Variants in SYNE3 observed in about 807,000 individuals in gnomAD.
The protein encoded by SYNE3 is spectrin repeat containing nuclear envelope family member 3.
SYNE3 carries 100 observed loss-of-function variants against 111.2 expected under a neutral mutation model. That is an observed-to-expected ratio of 0.90 (90% confidence interval 0.77 to 1.06). The LOEUF (loss-of-function observed/expected upper bound fraction) is 1.06, where lower values mean the gene tolerates loss of function less well. Among genes scored for constraint, SYNE3 ranks in the 50% least tolerant of loss-of-function variants. The pLI, the probability that SYNE3 is intolerant of heterozygous loss-of-function variation, is 0.00. For synonymous variants in SYNE3, 547 were observed against 533.9 expected (o/e 1.02, Z -0.34); for missense variants, 1,160 against 1,240.3 (o/e 0.94, Z 0.97).
chr14:95,507,014 T>A (rs1890552201), intron 1 of SYNE3, among the ~76,000 whole-genome samples: 2 of 152,332 alleles, frequency 1.3e-5, no homozygotes, highest in South Asian at 4.1e-4. Context: ...TGATGACCCC[T>A]TACCTCCATG....
intron 15 of SYNE3, among the ~76,000 whole-genome samples, chr14:95,436,466 A>G (rs957332013): frequency 1.3e-5 from 2 of 152,192 alleles, no homozygotes; most frequent in African/African-American, 4.8e-5. Context: ...TGCCCGGTTG[A>G]GTTCAGCCTA....
chr14:95,440,484 C>A (rs533815778), intron 11 of SYNE3, among the ~76,000 whole-genome samples: 1 of 152,314 alleles, frequency 6.6e-6, no homozygotes, highest in Admixed American at 6.5e-5. Flanking sequence ...TATCCTCACC[C>A]AAGGTCATAC....
chr14:95,445,103 T>G (rs1254053794), intron 9 of SYNE3, among the ~76,000 whole-genome samples: 1 of 152,224 alleles, frequency 6.6e-6, no homozygotes. Flanking sequence ...CCTACTTATT[T>G]GTGTCTACCA....
rs143494270 is a variant in SYNE3 at position 95,429,716 on chromosome 14, G to A, written c.2727+2363C>T. 2.6e-3 allele frequency among the ~76,000 whole-genome samples: 401 copies of A among 152,174 alleles called. 1 individual carries two copies. The highest frequency in any genetic ancestry group is 9.2e-3 in the African/African-American group (382 of 41,482). On this transcript the variant is annotated intron_variant, in intron 17 of 17. Coordinates refer to ENST00000682763, the MANE Select transcript of SYNE3 (RefSeq NM_152592.6). ...ATTCTTTAGTCATTTAGGGCTTTCC[G>A]TCTTTGCATACCCCACCAAGCTGTG...
rs758882606 is a variant in SYNE3 at position 95,455,515 on chromosome 14, C to G, written c.999G>C (p.Trp333Cys). 2 of 1,613,878 alleles carry G rather than the reference C, an allele frequency of 1.2e-6. No individual in the cohort carries two copies. The highest frequency in any genetic ancestry group is 1.7e-5 in the Admixed American group (1 of 60,028). Residue 333 changes from tryptophan (W) to cysteine (C), a missense_variant, in exon 6 of 18, where the codon TGG becomes TGC. Transcript: ENST00000682763. ...CCTCCAGCTGCTTAATCTGCTGCTC[C>G]CAGGCTCCCCTGGACCGGAGCAGGC... The part of the protein sequence containing the change: ...LRGLLRSRGA[W>C]EQQIKQLEAE...
At chr14:95,452,435 A>G (rs2139429460) in intron 6 of SYNE3, 52 bp from the exon 7 acceptor site, 12 of 1,538,382 alleles carry the variant, frequency 7.8e-6, no homozygotes, top group Non-Finnish European at 1.1e-5. Context: ...CAACAGGATA[A>G]GTGTGTGTGT....
chr14:95,457,251 C>A lies in SYNE3; in HGVS notation c.715G>T (p.Val239Leu). Residue 239 changes from valine (V) to leucine (L), a missense_variant, in exon 5 of 18, where the codon GTG becomes TTG. Physicochemically the swap from Val to Leu is conservative, Grantham distance 32 (BLOSUM62 1). Transcript: ENST00000682763. ...AGGCAGCCATTCACCTTCTCCACCACCGCCTTCAGCCACAGTTGGAACTCG... is the reference window on the plus strand; with the variant it reads ...AGGCAGCCATTCACCTTCTCCACCAACGCCTTCAGCCACAGTTGGAACTCG... ...VDEFQLWLKA[V>L]VEKVNGCLGR... 6.2e-7 allele frequency: 1 copy of A among 1,614,206 alleles called. No individual in the cohort carries two copies.
intron 1 of SYNE3, among the ~76,000 whole-genome samples, chr14:95,503,884 T>C (rs1890432047): frequency 1.3e-5 from 2 of 152,130 alleles, no homozygotes; most frequent in South Asian, 4.1e-4. Context: ...CCTTCCAAAG[T>C]GCTGGGTTCC....
intron 1 of SYNE3, among the ~76,000 whole-genome samples, chr14:95,484,638 CACACTG>C (rs1215107188): frequency 1.3e-5 from 2 of 152,196 alleles, no homozygotes; most frequent in Non-Finnish European, 2.9e-5. Context: ...ACTGGCTTTT[CACACTG>C]GGAGTGTGAC....
At chr14:95,501,709 C>CAGGTGG (rs1890341904) in intron 1 of SYNE3, among the ~76,000 whole-genome samples, 1 of 150,808 alleles carries the variant, frequency 6.6e-6, no homozygotes, top group Admixed American at 6.6e-5. Context: ...GAGGTGGCCA[C>CAGGTGG]AGGAGGGAAG....
chr14:95,465,952 A>C lies in SYNE3; in HGVS notation c.606T>G (p.Asp202Glu), dbSNP rs140961870. The C allele has an allele frequency of 3.1e-5, 49 of 1,586,538 alleles. No individual in the cohort carries two copies. In the Middle Eastern group the frequency reaches 1.8e-3, roughly 59 times the overall value. Residue 202 changes from aspartate to glutamate, a missense_variant, in exon 4 of 18, where the codon GAT becomes GAG. Physicochemically the swap from Asp to Glu is conservative, Grantham distance 45 (BLOSUM62 2). Coordinates refer to ENST00000682763, the MANE Select transcript of SYNE3 (RefSeq NM_152592.6). ...TCACCTGGGCCTTGGCCTTCACTGCATCGTACTCAGCCTTCATTCTCTTCT... is the reference window on the plus strand; with the variant it reads ...TCACCTGGGCCTTGGCCTTCACTGCCTCGTACTCAGCCTTCATTCTCTTCT... ...DAQKRMKAEY[D>E]AVKAKAQKRV...
At chr14:95,429,565 C>T (rs1885629283) in intron 17 of SYNE3, among the ~76,000 whole-genome samples, 1 of 152,142 alleles carries the variant, frequency 6.6e-6, no homozygotes, top group African/African-American at 2.4e-5. Flanking sequence ...AGATGGTCTC[C>T]GTGTAGTGGC....
rs149220293 is a variant in SYNE3, at chr14:95,452,341, G to A, written c.1180C>T (p.Arg394Trp). 2.1e-4 allele frequency: 333 copies of A among 1,613,558 alleles called. 1 individual carries two copies. Among genetic ancestry groups the A allele is most frequent in the African/African-American group, 2.3e-4 (17 of 75,064 alleles). The change falls in exon 7 of 18, where the codon CGG (arginine) becomes TGG (tryptophan). Residue 394 changes from arginine (R) to tryptophan (W), a missense_variant. Arg to Trp is a moderately radical substitution (Grantham distance 101). Transcript: ENST00000682763. The part of the protein sequence containing the change: ...ALASEEPRVD[R>W]LQAQLKELIV... ...AGCTCCTTCAGCTGGGCTTGCAGCC[G>A]GTCCACCCGGGGCTCCTCCGAGGCC...
chr14:95,484,680 CA>C (rs1007013069), intron 1 of SYNE3, among the ~76,000 whole-genome samples: 1 of 152,154 alleles, frequency 6.6e-6, no homozygotes, highest in Non-Finnish European at 1.5e-5. Flanking sequence ...GAAATCTACT[CA>C]GGGGTCTTGA....
At chr14:95,495,124 A>T (rs529342459) in intron 1 of SYNE3, among the ~76,000 whole-genome samples, 1 of 151,336 alleles carries the variant, frequency 6.6e-6, no homozygotes, top group African/African-American at 2.5e-5. Context: ...AAAAAAAAAG[A>T]AAGAAAAGAA....
At chr14:95,448,276 A>C (rs1886836731) in intron 8 of SYNE3, among the ~76,000 whole-genome samples, 1 of 152,160 alleles carries the variant, frequency 6.6e-6, no homozygotes, top group South Asian at 2.1e-4. Context: ...TATGAAATTC[A>C]CTCCAGGATG....
intron 17 of SYNE3, among the ~76,000 whole-genome samples, chr14:95,424,143 G>C (rs770402908): frequency 7.2e-5 from 11 of 152,188 alleles, no homozygotes; most frequent in African/African-American, 2.7e-4. Context: ...TCTGAAGACA[G>C]TGCATAACCA....
intron 15 of SYNE3, among the ~76,000 whole-genome samples, chr14:95,435,044 A>C (rs1886008800): frequency 6.6e-6 from 1 of 152,256 alleles, no homozygotes; most frequent in South Asian, 2.1e-4. Flanking sequence ...AGAAACCAAG[A>C]GTAAGAACAG....
intron 11 of SYNE3, among the ~76,000 whole-genome samples, chr14:95,442,215 C>T (rs1886451982): frequency 6.6e-6 from 1 of 152,228 alleles, no homozygotes; most frequent in Admixed American, 6.5e-5. Context: ...ATGGTTGTGC[C>T]ACCTGACACA....
Sources: allele counts gnomAD v4.1 joint callset (sites outside exome capture counted in the v4.1 genomes callset), GRCh38; gene constraint gnomAD v4.1.1; transcripts MANE v1.5; gene names NCBI Gene and HGNC (gene_info 2026-07-23, HGNC 2026-07-21).